The following LRMDA variants were observed in gnomAD, a reference collection of about 807,000 sequenced individuals.
LRMDA encodes the protein leucine rich melanocyte differentiation associated.
Under a neutral mutation model 29.8 loss-of-function variants are expected in LRMDA, and 18 were observed. That is an observed-to-expected ratio of 0.60 (90% confidence interval 0.42 to 0.90). LRMDA has a LOEUF of 0.90. Among genes scored for constraint, LRMDA ranks in the 40% least tolerant of loss-of-function variants. The pLI is 0.00. For missense variants in LRMDA, 273 were observed against 273.9 expected (o/e 1.00, Z 0.02); for synonymous variants, 125 against 109.4 (o/e 1.14, Z -0.89).
chr10:75,567,527 A>G (rs74147125), intron 2 of LRMDA, among the ~76,000 whole-genome samples: 19 of 152,306 alleles, frequency 1.2e-4, no homozygotes, highest in African/African-American at 4.3e-4. Context: ...GACTTAACAG[A>G]TAAGGAAAAT....
intron 2 of LRMDA, among the ~76,000 whole-genome samples, chr10:75,805,627 G>A (rs1356279292): frequency 6.6e-6 from 1 of 152,092 alleles, no homozygotes; most frequent in Non-Finnish European, 1.5e-5. Context: ...TGACAAGAGG[G>A]ACTTTTGAGG....
At chr10:76,544,710 G>GCA (rs71028204) in intron 6 of LRMDA, among the ~76,000 whole-genome samples, 2,358 of 145,356 alleles carry the variant, frequency 0.016, 15 homozygotes, top group Non-Finnish European at 0.021. Context: ...ATATATACAT[G>GCA]CACACACACA....
At chr10:76,292,187 G>T (rs1283273063) in intron 5 of LRMDA, among the ~76,000 whole-genome samples, 1 of 152,302 alleles carries the variant, frequency 6.6e-6, no homozygotes, top group Middle Eastern at 3.4e-3. Flanking sequence ...ATGCATTTTA[G>T]TTCCTCCTAT....
At chr10:76,466,407 G>T (rs894577368) in intron 6 of LRMDA, among the ~76,000 whole-genome samples, 18 of 152,084 alleles carry the variant, frequency 1.2e-4, no homozygotes, top group African/African-American at 3.6e-4. Context: ...GACCTAACAG[G>T]TGTCCGCTGG....
At chr10:75,971,792 T>C (rs1846976652) in intron 2 of LRMDA, among the ~76,000 whole-genome samples, 1 of 152,226 alleles carries the variant, frequency 6.6e-6, no homozygotes, top group Admixed American at 6.5e-5. Flanking sequence ...ATTGGGAATC[T>C]GTTTCTTCTC....
chr10:75,606,239 CT>C (rs11319957), intron 2 of LRMDA, among the ~76,000 whole-genome samples: 20,941 of 152,120 alleles, frequency 0.14, 4,577 homozygotes, highest in African/African-American at 0.46. Flanking sequence ...TGAGGCCAGT[CT>C]TAACATGTGC....
At chr10:75,687,774 G>C (rs1009050992) in intron 2 of LRMDA, among the ~76,000 whole-genome samples, 2 of 152,198 alleles carry the variant, frequency 1.3e-5, no homozygotes, top group Non-Finnish European at 2.9e-5. Flanking sequence ...AAGCATCAGA[G>C]GACAGGCTGA....
chr10:76,248,067 A>G (rs1181064290), intron 5 of LRMDA, among the ~76,000 whole-genome samples: 1 of 152,174 alleles, frequency 6.6e-6, no homozygotes, highest in African/African-American at 2.4e-5. Context: ...TGTGGCCTGC[A>G]GAGATTCAGT....
At chr10:75,437,497 C>T (rs1056420171) in intron 1 of LRMDA, among the ~76,000 whole-genome samples, 2 of 152,124 alleles carry the variant, frequency 1.3e-5, no homozygotes, top group East Asian at 1.9e-4. Context: ...CTGGTCAACT[C>T]GGCCTCATGG....
chr10:76,444,001 T>A (rs917354085), intron 6 of LRMDA, among the ~76,000 whole-genome samples: 4 of 152,162 alleles, frequency 2.6e-5, no homozygotes, highest in Admixed American at 1.3e-4. Context: ...GCTGAGTGGA[T>A]GAGCGCCGAC....
chr10:75,929,228 A>G (rs1846169793), intron 2 of LRMDA, among the ~76,000 whole-genome samples: 1 of 152,066 alleles, frequency 6.6e-6, no homozygotes, highest in Non-Finnish European at 1.5e-5. Flanking sequence ...ATAAACATGG[A>G]TGGATGCAGG....
At chr10:75,807,510 C>G (rs1843875819) in intron 2 of LRMDA, among the ~76,000 whole-genome samples, 1 of 152,210 alleles carries the variant, frequency 6.6e-6, no homozygotes, top group South Asian at 2.1e-4. Flanking sequence ...ATTGTATTTG[C>G]ATCTCAAATG....
At chr10:76,007,027 T>C (rs1400798303) in intron 2 of LRMDA, among the ~76,000 whole-genome samples, 285 of 27,816 alleles carry the variant, frequency 0.01, 8 homozygotes, top group African/African-American at 0.023. Flanking sequence ...TGTGTGTGTG[T>C]GTGTGCGCGT....
At chr10:76,062,021 C>A (rs1395573100) in intron 5 of LRMDA, among the ~76,000 whole-genome samples, 1 of 152,152 alleles carries the variant, frequency 6.6e-6, no homozygotes, top group Non-Finnish European at 1.5e-5. Context: ...GGTGTGTATA[C>A]CCGCTTCCGT....
At chr10:76,451,812 C>T (rs180852403) in intron 6 of LRMDA, among the ~76,000 whole-genome samples, 6 of 152,048 alleles carry the variant, frequency 3.9e-5, no homozygotes, top group African/African-American at 1.4e-4. Flanking sequence ...CATGTGCCAC[C>T]ACACCCAGCA....
intron 2 of LRMDA, among the ~76,000 whole-genome samples, chr10:75,602,513 G>A (rs900896137): frequency 7.2e-5 from 11 of 152,080 alleles, no homozygotes; most frequent in Non-Finnish European, 1.6e-4. Flanking sequence ...GGTCTAATAC[G>A]GAGTCTCCTT....
chr10:76,022,643 C>T (rs1246308107), intron 2 of LRMDA, among the ~76,000 whole-genome samples: 1 of 152,126 alleles, frequency 6.6e-6, no homozygotes, highest in Admixed American at 6.6e-5. Flanking sequence ...GTCCTTAGAC[C>T]AGAATAATCT....
intron 5 of LRMDA, among the ~76,000 whole-genome samples, chr10:76,198,406 C>G (rs964029312): frequency 2.6e-5 from 4 of 152,220 alleles, no homozygotes; most frequent in Non-Finnish European, 5.9e-5. Context: ...ATTGTTTGGA[C>G]AAAGGCTTTT....
intron 2 of LRMDA, among the ~76,000 whole-genome samples, chr10:75,979,564 G>A (rs1847130229): frequency 6.6e-6 from 1 of 152,150 alleles, no homozygotes; most frequent in African/African-American, 2.4e-5. Flanking sequence ...ATAGGGTTAA[G>A]TAATTTTCCC....
Sources: allele counts gnomAD v4.1 joint callset (sites outside exome capture counted in the v4.1 genomes callset), GRCh38; gene constraint gnomAD v4.1.1; transcripts MANE v1.5; gene names NCBI Gene and HGNC (gene_info 2026-07-23, HGNC 2026-07-21).